Variants in PC observed in about 807,000 individuals in gnomAD.
PC encodes pyruvate carboxylase, mitochondrial.
In PC, 46 loss-of-function variants were observed where a neutral mutation model predicts 107.8. That is an observed-to-expected ratio of 0.43 (90% CI 0.34 to 0.55). The LOEUF is 0.55. PC is among the 20% of genes least tolerant of loss of function. The pLI is 0.04. For synonymous variants in PC, 662 were observed against 684.7 expected, an observed-to-expected ratio of 0.97 and a Z score of 0.52; for missense variants, 1,241 against 1,643.1, an observed-to-expected ratio of 0.76 and a Z score of 4.23.
At chr11:66,891,506 G>A (rs1356255848) in intron 3 of PC, among the ~76,000 whole-genome samples, 2 of 152,034 alleles carry the variant, frequency 1.3e-5, no homozygotes, top group Admixed American at 6.6e-5. Flanking sequence ...CGATTCTCCA[G>A]CCTCAGCCTC....
intron 3 of PC, among the ~76,000 whole-genome samples, chr11:66,915,552 T>C (rs1248884743): frequency 6.6e-6 from 1 of 152,180 alleles, no homozygotes; most frequent in Admixed American, 6.5e-5. Flanking sequence ...CGGCAGCCCC[T>C]GGAGCTGAGG....
At chr11:66,940,787 C>T (rs145688099) in intron 3 of PC, among the ~76,000 whole-genome samples, 3,325 of 151,952 alleles carry the variant, frequency 0.022, 110 homozygotes, top group African/African-American at 0.074. Flanking sequence ...GGCCAATAAG[C>T]ACATCACAAG....
At chr11:66,958,257 G>A (rs976963832) in intron 1 of PC, 65 bp downstream of exon 1, 20 of 152,158 alleles carry the variant, frequency 1.3e-4, no homozygotes, top group Admixed American at 5.9e-4. Flanking sequence ...AGCGGTGCCG[G>A]CGCACGTCCA....
intron 12 of PC, chr11:66,859,815 C>G: frequency 1.3e-6 from 2 of 1,584,910 alleles, no homozygotes; most frequent in Non-Finnish European, 1.7e-6. Context: ...CCACGCCCTG[C>G]AGGCCCACGT....
At chr11:66,923,944 T>C (rs182972907) in intron 3 of PC, among the ~76,000 whole-genome samples, 37 of 146,506 alleles carry the variant, frequency 2.5e-4, no homozygotes, top group African/African-American at 9.3e-4. Flanking sequence ...GGCTCACACC[T>C]ATAATACCAG....
At chr11:66,934,455 G>T (rs528268156) in intron 3 of PC, 1 of 154,130 alleles carries the variant, frequency 6.5e-6, no homozygotes, top group East Asian at 2.0e-4. Context: ...TAAAATGGGG[G>T]TAGTAAGACA....
At chr11:66,872,214 A>G in intron 3 of PC, 55 bp from the exon 4 acceptor site, 1 of 1,547,554 alleles carries the variant, frequency 6.5e-7, no homozygotes, top group South Asian at 1.2e-5. Context: ...GAGGCTCCTC[A>G]GAATGAGTGA....
intron 3 of PC, among the ~76,000 whole-genome samples, chr11:66,943,561 C>T (rs374020135): frequency 6.8e-4 from 102 of 150,770 alleles, no homozygotes; most frequent in Middle Eastern, 3.4e-3. Flanking sequence ...CTGGCTAACA[C>T]GATGGAACCC....
chr11:66,860,231 G>A (rs1208260859), intron 12 of PC: 1 of 1,539,258 alleles, frequency 6.5e-7, no homozygotes, highest in Non-Finnish European at 8.7e-7. Context: ...CAAGGGATGA[G>A]CCTCGTGGGG....
chr11:66,911,012 T>C (rs1204580534), intron 3 of PC, among the ~76,000 whole-genome samples: 2 of 152,238 alleles, frequency 1.3e-5, no homozygotes, highest in Non-Finnish European at 2.9e-5. Flanking sequence ...TGCAGAATGA[T>C]CTGAGCCATC....
chr11:66,851,060 T>C lies in PC; in HGVS notation c.2203A>G (p.Thr735Ala), dbSNP rs768362716. Residue 735 changes from threonine to alanine, a missense_variant, in exon 17 of 23, where the codon ACC (threonine) becomes GCC (alanine). Physicochemically the swap from Thr to Ala is moderately conservative, Grantham distance 58. Around this residue, in one of 2 missense-constraint regions of PC, gnomAD observed 1,143 missense variants for 1,551.9 expected, o/e 0.74. Coordinates refer to ENST00000393960, the MANE Select transcript of PC (RefSeq NM_001040716.2). ...GLAEELVRAG[T>A]HILCIKDMAG... The stretch of plus-strand genomic sequence containing the variant: ...GGCACCTTGATGCACAGGATGTGGG[T>C]GCCAGCTCGCACCAGCTCTTCGGCC... 3.7e-6 allele frequency: 6 copies of C among 1,612,916 alleles called. No individual in the cohort carries two copies. Among genetic ancestry groups the C allele is most frequent in the Non-Finnish European group, 5.1e-6 (6 of 1,179,952 alleles).
chr11:66,919,609 T>A (rs1388943926), intron 3 of PC, among the ~76,000 whole-genome samples: 1 of 152,100 alleles, frequency 6.6e-6, no homozygotes, highest in Non-Finnish European at 1.5e-5. Flanking sequence ...AGGCAGTGAA[T>A]ACACCAGTGC....
At chr11:66,849,202 G>T (rs377466972) in intron 22 of PC, 28 bp downstream of exon 22, 2 of 1,613,668 alleles carry the variant, frequency 1.2e-6, no homozygotes. Context: ...AAGCCCCACC[G>T]CCTGGCTGGC....
At chr11:66,867,956 T>G (rs1946565218) in intron 10 of PC, among the ~76,000 whole-genome samples, 1 of 152,246 alleles carries the variant, frequency 6.6e-6, no homozygotes, top group African/African-American at 2.4e-5. Flanking sequence ...CACAGTGAGA[T>G]GGGCTGGCCC....
intron 3 of PC, among the ~76,000 whole-genome samples, chr11:66,897,961 T>C (rs1014969769): frequency 1.3e-5 from 2 of 152,106 alleles, no homozygotes; most frequent in African/African-American, 2.4e-5. Context: ...GAAAAGAAAA[T>C]TGAGGCTGGG....
At chr11:66,913,763 G>A (rs1354456142) in intron 3 of PC, among the ~76,000 whole-genome samples, 1 of 152,096 alleles carries the variant, frequency 6.6e-6, no homozygotes, top group Admixed American at 6.5e-5. Flanking sequence ...CCTGTGCAAC[G>A]TAGAGGGATG....
intron 3 of PC, among the ~76,000 whole-genome samples, chr11:66,909,163 C>T (rs757480676): frequency 2.6e-5 from 4 of 152,196 alleles, no homozygotes; most frequent in Non-Finnish European, 5.9e-5. Context: ...AGACAGGCAC[C>T]GGGTGCCTCT....
intron 3 of PC, among the ~76,000 whole-genome samples, chr11:66,923,031 G>A (rs2136095160): frequency 6.6e-6 from 1 of 152,308 alleles, no homozygotes; most frequent in East Asian, 1.9e-4. Context: ...AGCAATGATG[G>A]CGCAGCAGGG....
intron 3 of PC, among the ~76,000 whole-genome samples, chr11:66,918,615 C>T (rs1355458084): frequency 2.0e-5 from 3 of 151,942 alleles, no homozygotes; most frequent in Admixed American, 6.6e-5. Context: ...TCAAGTAATC[C>T]GCCCACCTCA....
Sources: gnomAD v4.1 joint callset for allele counts (sites outside exome capture counted in the v4.1 genomes callset) on GRCh38, gnomAD v4.1.1 for gene constraint, gnomAD v4.1.1 regional missense constraint, MANE v1.5 for transcripts, NCBI Gene and HGNC (gene_info 2026-07-23, HGNC 2026-07-21) for gene names.